The following HOXB1 variants were observed in gnomAD, a reference collection of about 807,000 sequenced individuals.
HOXB1 encodes the protein homeobox B1.
In HOXB1, 13 loss-of-function variants were observed where a neutral mutation model predicts 26.9. The observed-to-expected ratio is 0.48, with a 90% confidence interval of 0.31 to 0.77. The LOEUF is 0.77. Ranked by LOEUF, HOXB1 falls within the 30% of genes least tolerant of loss-of-function variation. The pLI, the probability that HOXB1 is intolerant of heterozygous loss-of-function variation, is 0.04. For missense variants in HOXB1, 366 were observed against 403.6 expected (o/e 0.91, Z 0.80); for synonymous variants, 168 against 170.8 (o/e 0.98, Z 0.13).
rs199853918 is a variant in HOXB1 at position 48,529,497 on chromosome 17, G to A, written c.*50C>T. 1.8e-4 allele frequency: 257 copies of A among 1,418,780 alleles called. No individual in the cohort carries two copies. The East Asian group carries it at 5.1e-3, about 28-fold the overall frequency. The allele number at this position is 1,418,780 out of a possible 1,614,324, so 87.9% of individuals were successfully genotyped here. A position where few individuals can be genotyped will look rare whatever the true frequency, so the allele number is the denominator to read the frequency against. ...GTTGGGGAGAGCCTGGGATAGGGCT[G>A]GACTGGGGCGCTCCAGTGCCTGGAA... On this transcript the variant is annotated 3_prime_UTR_variant, in exon 2 of 2. Transcript: ENST00000239174.
At position 48,529,462 on chromosome 17, in the gene HOXB1, C is replaced by A; in HGVS notation, c.*85G>T. 9.1e-7 allele frequency: 1 copy of A among 1,102,800 alleles called. No individual in the cohort carries two copies. The highest frequency in any genetic ancestry group is 2.0e-5 in the South Asian group (1 of 50,152). The allele number at this position is 1,102,800 out of a possible 1,614,324, so 68.3% of individuals were successfully genotyped here. A position where few individuals can be genotyped will look rare whatever the true frequency, so the allele number is the denominator to read the frequency against. On this transcript the variant is annotated 3_prime_UTR_variant, in exon 2 of 2. Coordinates refer to ENST00000239174, the MANE Select transcript of HOXB1 (RefSeq NM_002144.4). ...AGAGGATCCCCAGGCCAGTGAAGCC[C>A]AGGCCTGGGGTTGGGGAGAGCCTGG...
rs768428755 is a variant in HOXB1, at chr17:48,529,647, G to T, written c.806C>A (p.Pro269His). 2 of 1,609,036 alleles carry T rather than the reference G, an allele frequency of 1.2e-6. No individual in the cohort carries two copies. Among genetic ancestry groups the T allele is most frequent in the Non-Finnish European group, 1.7e-6 (2 of 1,176,078 alleles). Residue 269 changes from proline to histidine, a missense_variant, in exon 2 of 2, where the codon CCC (proline) becomes CAC (histidine). By Grantham distance (77) the Pro-to-His change is moderately conservative. Coordinates refer to ENST00000239174, the MANE Select transcript of HOXB1 (RefSeq NM_002144.4). ...CTTGGGGCAGCCTGGTGGGGCTGGG[G>T]GGACCCGACCTTCCTCTCGCTCGCG... ...KKREREEGRV[P>H]PAPPGCPKEA...
rs776614578 is a variant in HOXB1, at chr17:48,530,664, G to A, written c.241C>T (p.Pro81Ser). ...TLGVPFPSSA[P>S]SGYAPAACSP... Reference sequence around the variant, plus strand: ...CAGGCGGCAGGAGCATACCCCGAGGGCGCGGAGCTGGGGAAGGGCACCCCC... The same window carrying A: ...CAGGCGGCAGGAGCATACCCCGAGGACGCGGAGCTGGGGAAGGGCACCCCC... The change falls in exon 1 of 2, where the codon CCC becomes TCC. Residue 81 changes from proline to serine, a missense_variant. By Grantham distance (74) the Pro-to-Ser change is moderately conservative. Coordinates refer to ENST00000239174, the MANE Select transcript of HOXB1 (RefSeq NM_002144.4). The surrounding 1 kb of genome is among the most constrained non-coding windows in gnomAD (Gnocchi z 6.2). 6.2e-7 allele frequency: 1 copy of A among 1,613,560 alleles called. No individual in the cohort carries two copies. Among genetic ancestry groups the A allele is most frequent in the African/African-American group, 1.3e-5 (1 of 74,932 alleles).
In HOXB1 at chr17:48,530,508, C is replaced by G. The variant is rs545841960; in HGVS notation, c.397G>C (p.Gly133Arg). 9.3e-6 allele frequency: 15 copies of G among 1,614,048 alleles called. No homozygotes were observed. The highest frequency in any genetic ancestry group is 1.3e-5 in the Non-Finnish European group (15 of 1,179,950). Residue 133 changes from glycine to arginine, a missense_variant, in exon 1 of 2, where the codon GGT (glycine) becomes CGT (arginine). Coordinates refer to ENST00000239174, the MANE Select transcript of HOXB1 (RefSeq NM_002144.4). This position sits in a 1 kb window ranked among gnomAD's most constrained non-coding sequence, Gnocchi z 6.2. ...TGCTGCGGAGGATATGGCCCCGGAC[C>G]GGCTCCACCTGCTCCGTAGCCATCG... ...LSDGYGAGGA[G>R]PGPYPPQHPP...
Position 48,530,046 on chromosome 17 carries a change from C to T in HOXB1, c.578-171G>A. ...CCCATGGTGATCACCAAGTCTGGAG[C>T]AGCCTTCCCCATACTTCCATCCCCC... On this transcript the variant is annotated intron_variant, in intron 1 of 1. Coordinates refer to ENST00000239174, the MANE Select transcript of HOXB1 (RefSeq NM_002144.4). This position sits in a 1 kb window ranked among gnomAD's most constrained non-coding sequence, Gnocchi z 6.2. 1.6e-6 allele frequency: 1 copy of T among 636,796 alleles called. No homozygotes were observed. The highest frequency in any genetic ancestry group is 2.7e-6 in the Non-Finnish European group (1 of 370,200). 39.4% of individuals were successfully genotyped at this position (636,796 alleles called of 1,614,324 possible). A position where few individuals can be genotyped will look rare whatever the true frequency, so the allele number is the denominator to read the frequency against.
Position 48,529,492 on chromosome 17 carries a change from G to A in HOXB1, c.*55C>T. ...CTGGGGTTGGGGAGAGCCTGGGATA[G>A]GGCTGGACTGGGGCGCTCCAGTGCC... On this transcript the variant is annotated 3_prime_UTR_variant, in exon 2 of 2. Transcript: ENST00000239174. 1 of 1,381,568 alleles carries A rather than the reference G, an allele frequency of 7.2e-7. No individual in the cohort carries two copies. 85.6% of individuals were successfully genotyped at this position (1,381,568 alleles called of 1,614,324 possible). A position where few individuals can be genotyped will look rare whatever the true frequency, so the allele number is the denominator to read the frequency against.
At position 48,529,806 on chromosome 17, in the gene HOXB1, G is replaced by A; in HGVS notation, c.647C>T (p.Thr216Ile). 4 of 1,602,342 alleles carry A rather than the reference G, an allele frequency of 2.5e-6. No homozygotes were observed. The highest frequency in any genetic ancestry group is 3.4e-6 in the Non-Finnish European group (4 of 1,179,640). ...LRTNFTTRQL[T>I]ELEKEFHFNK... ...GAAATGGAACTCCTTTTCCAGTTCT[G>A]TCAGCTGCCTTGTGGTGAAGTTGGT... The change falls in exon 2 of 2, where the codon ACA (threonine) becomes ATA (isoleucine). Residue 216 changes from threonine (T) to isoleucine (I), a missense_variant. Transcript: ENST00000239174.
rs112332111 is a variant in HOXB1 at position 48,529,125 on chromosome 17, A to G, written c.*422T>C. On this transcript the variant is annotated 3_prime_UTR_variant, in exon 2 of 2. Transcript: ENST00000239174. ...AAATTTAAGGTTCTGTGTCAGGCCT[A>G]GAAGGGGGAGTTAGGATAAGAGTGC... 729 of 157,166 alleles carry G rather than the reference A, an allele frequency of 4.6e-3. 7 individuals carry two copies. Among genetic ancestry groups the G allele is most frequent in the African/African-American group, 0.016 (650 of 41,716 alleles). 9.7% of individuals were successfully genotyped at this position (157,166 alleles called of 1,614,324 possible).
rs2068427080 is a variant in HOXB1, at chr17:48,530,341, G to A, written c.564C>T (p.Asn188=). 9 of 1,613,892 alleles carry A rather than the reference G, an allele frequency of 5.6e-6. No homozygotes were observed. Among genetic ancestry groups the A allele is most frequent in the Non-Finnish European group, 6.8e-6 (8 of 1,179,918 alleles). The part of the protein sequence containing the change: ...RTFDWMKVKR[N]PPKTAKVSEP... ...TCTGAGCCCTACCTGTCTTGGGTGG[G>A]TTTCTCTTAACCTTCATCCAGTCGA... is the stretch of plus-strand genomic sequence containing the variant. Residue 188 remains asparagine (N), a synonymous_variant, in exon 1 of 2, where the codon AAC becomes AAT. Coordinates refer to ENST00000239174, the MANE Select transcript of HOXB1 (RefSeq NM_002144.4). The surrounding 1 kb of genome is among the most constrained non-coding windows in gnomAD (Gnocchi z 6.2).
rs1465384721 is a variant in HOXB1 at position 48,528,897 on chromosome 17, TGTGAGGA to T, written c.*643_*649del. Reference sequence around the variant, plus strand: ...GGTGACATAGTGATGAGGTCGCTGGTGTGAGGAGGCAGGTCTCAGAAAACAACCTCTG... The same window carrying T: ...GGTGACATAGTGATGAGGTCGCTGGTGGCAGGTCTCAGAAAACAACCTCTG... On this transcript the variant is annotated 3_prime_UTR_variant, in exon 2 of 2. Transcript: ENST00000239174. 2.0e-5 allele frequency: 3 copies of T among 152,118 alleles called. No individual in the cohort carries two copies. The highest frequency in any genetic ancestry group is 4.8e-5 in the African/African-American group (2 of 41,372). 9.4% of individuals were successfully genotyped at this position (152,118 alleles called of 1,614,324 possible).
Position 48,529,089 on chromosome 17 carries a change from C to T in HOXB1, c.*458G>A, listed in dbSNP as rs2068415337. On this transcript the variant is annotated 3_prime_UTR_variant, in exon 2 of 2. Coordinates refer to ENST00000239174, the MANE Select transcript of HOXB1 (RefSeq NM_002144.4). The stretch of plus-strand genomic sequence containing the variant: ...ATAATATGGCTGCACCCAAACACCT[C>T]CCACACAAGAAAATTTAAGGTTCTG... 6.5e-6 allele frequency: 1 copy of T among 154,154 alleles called. No individual in the cohort carries two copies. Among genetic ancestry groups the T allele is most frequent in the Non-Finnish European group, 1.4e-5 (1 of 69,574 alleles). The allele number at this position is 154,154 out of a possible 1,614,324, so 9.5% of individuals were successfully genotyped here.
In HOXB1 at chr17:48,530,122, G is replaced by A. The variant is rs369926778; in HGVS notation, c.577+206C>T. 1.9e-5 allele frequency: 12 copies of A among 624,600 alleles called. No individual in the cohort carries two copies. Among genetic ancestry groups the A allele is most frequent in the East Asian group, 1.4e-4 (5 of 36,516 alleles). 38.7% of individuals were successfully genotyped at this position (624,600 alleles called of 1,614,324 possible). A position where few individuals can be genotyped will look rare whatever the true frequency, so the allele number is the denominator to read the frequency against. Reference sequence around the variant, plus strand: ...CTGGGTGCACAGATCAGGAAGTGGGGTGTGTATGGAAACTTACTCCTGGGG... The same window carrying A: ...CTGGGTGCACAGATCAGGAAGTGGGATGTGTATGGAAACTTACTCCTGGGG... On this transcript the variant is annotated intron_variant, in intron 1 of 1. Transcript: ENST00000239174. This position sits in a 1 kb window ranked among gnomAD's most constrained non-coding sequence, Gnocchi z 6.2.
At position 48,530,121 on chromosome 17, in the gene HOXB1, G is replaced by T. The variant is rs2068425168; in HGVS notation, c.577+207C>A. ...GCTGGGTGCACAGATCAGGAAGTGGGGTGTGTATGGAAACTTACTCCTGGG... is the reference window on the plus strand; with the variant it reads ...GCTGGGTGCACAGATCAGGAAGTGGTGTGTGTATGGAAACTTACTCCTGGG... On this transcript the variant is annotated intron_variant, in intron 1 of 1. Coordinates refer to ENST00000239174, the MANE Select transcript of HOXB1 (RefSeq NM_002144.4). This position sits in a 1 kb window ranked among gnomAD's most constrained non-coding sequence, Gnocchi z 6.2. 4 of 623,868 alleles carry T rather than the reference G, an allele frequency of 6.4e-6. No individual in the cohort carries two copies. Among genetic ancestry groups the T allele is most frequent in the Non-Finnish European group, 1.1e-5 (4 of 351,922 alleles). The allele number at this position is 623,868 out of a possible 1,614,324, so 38.6% of individuals were successfully genotyped here.
At position 48,529,584 on chromosome 17, in the gene HOXB1, G is replaced by A; in HGVS notation, c.869C>T (p.Thr290Ile). The change falls in exon 2 of 2, where the codon ACC (threonine) becomes ATC (isoleucine). Residue 290 changes from threonine to isoleucine, a missense_variant. Transcript: ENST00000239174. ...AGAGCTGGGTGAGGCTTCCGGGGAGGTGCATGTCGACTGGTCTGAGGCATC... is the reference window on the plus strand; with the variant it reads ...AGAGCTGGGTGAGGCTTCCGGGGAGATGCATGTCGACTGGTCTGAGGCATC... ...AGDASDQSTC[T>I]SPEASPSSVT... 1.3e-6 allele frequency: 2 copies of A among 1,546,046 alleles called. No individual in the cohort carries two copies. The highest frequency in any genetic ancestry group is 1.7e-6 in the Non-Finnish European group (2 of 1,144,202).
rs755001724 is a variant in HOXB1 at position 48,529,848 on chromosome 17, G to A, written c.605C>T (p.Ser202Leu). 1.3e-6 allele frequency: 2 copies of A among 1,591,566 alleles called. No homozygotes were observed. Among genetic ancestry groups the A allele is most frequent in the South Asian group, 1.1e-5 (1 of 90,574 alleles). The change falls in exon 2 of 2, where the codon TCG (serine) becomes TTG (leucine). Residue 202 changes from serine to leucine, a missense_variant. By Grantham distance (145) the Ser-to-Leu change is moderately radical. Transcript: ENST00000239174. ...GAAGTTGGTGCGGAGGCCACTGGGC[G>A]AGCCCAGGCCTGGCTCTGACACCTT... ...TAKVSEPGLG[S>L]PSGLRTNFTT...
rs200228944 is a variant in HOXB1, at chr17:48,530,400, G to A, written c.505C>T (p.Pro169Ser). The A allele has an allele frequency of 4.3e-6, 7 of 1,614,108 alleles. No individual in the cohort carries two copies. Among genetic ancestry groups the A allele is most frequent in the Non-Finnish European group, 5.9e-6 (7 of 1,179,990 alleles). Residue 169 changes from proline to serine, a missense_variant, in exon 1 of 2, where the codon CCT becomes TCT. Coordinates refer to ENST00000239174, the MANE Select transcript of HOXB1 (RefSeq NM_002144.4). This position sits in a 1 kb window ranked among gnomAD's most constrained non-coding sequence, Gnocchi z 6.2. Reference sequence around the variant, plus strand: ...GCCGTGGGGGTGTTAGGTTCTGAAGGGCAGGGTGTTTCCTTGTCCTCGGAG... The same window carrying A: ...GCCGTGGGGGTGTTAGGTTCTGAAGAGCAGGGTGTTTCCTTGTCCTCGGAG... The part of the protein sequence containing the change: ...LLSEDKETPC[P>S]SEPNTPTART...
At position 48,529,187 on chromosome 17, in the gene HOXB1, G is replaced by A. The variant is rs1050222338; in HGVS notation, c.*360C>T. The A allele has an allele frequency of 7.8e-5, 15 of 192,736 alleles. No individual in the cohort carries two copies. The highest frequency in any genetic ancestry group is 2.0e-3 in the Middle Eastern group (1 of 510). The allele number at this position is 192,736 out of a possible 1,614,324, so 11.9% of individuals were successfully genotyped here. ...CCTCAAAGCTCGAAGGCACTGAACC[G>A]AATAAACCCAAGTTGGAAGGGAAAG... On this transcript the variant is annotated 3_prime_UTR_variant, in exon 2 of 2. Coordinates refer to ENST00000239174, the MANE Select transcript of HOXB1 (RefSeq NM_002144.4).
chr17:48,530,152 C>A lies in HOXB1; in HGVS notation c.577+176G>T. On this transcript the variant is annotated intron_variant, in intron 1 of 1. Coordinates refer to ENST00000239174, the MANE Select transcript of HOXB1 (RefSeq NM_002144.4). The surrounding 1 kb of genome is among the most constrained non-coding windows in gnomAD (Gnocchi z 6.2). ...TATGGAAACTTACTCCTGGGGTGAC[C>A]GGTTACATACTGGGTGGGGAGACCT... The A allele has an allele frequency of 1.5e-6, 1 of 649,202 alleles. No individual in the cohort carries two copies. The highest frequency in any genetic ancestry group is 1.9e-5 in the South Asian group (1 of 52,624). The allele number at this position is 649,202 out of a possible 1,614,324, so 40.2% of individuals were successfully genotyped here. A position where few individuals can be genotyped will look rare whatever the true frequency, so the allele number is the denominator to read the frequency against.
Position 48,530,373 on chromosome 17 carries a change from G to C in HOXB1, c.532C>G (p.Arg178Gly). 6.2e-7 allele frequency: 1 copy of C among 1,614,102 alleles called. No individual in the cohort carries two copies. Among genetic ancestry groups the C allele is most frequent in the South Asian group, 1.1e-5 (1 of 91,068 alleles). ...CPSEPNTPTA[R>G]TFDWMKVKRN... Reference sequence around the variant, plus strand: ...TTAACCTTCATCCAGTCGAAGGTCCGGGCCGTGGGGGTGTTAGGTTCTGAA... The same window carrying C: ...TTAACCTTCATCCAGTCGAAGGTCCCGGCCGTGGGGGTGTTAGGTTCTGAA... Residue 178 changes from arginine (R) to glycine (G), a missense_variant, in exon 1 of 2, where the codon CGG becomes GGG. Physicochemically the swap from Arg to Gly is moderately radical, Grantham distance 125 (BLOSUM62 -2). Coordinates refer to ENST00000239174, the MANE Select transcript of HOXB1 (RefSeq NM_002144.4). The surrounding 1 kb of genome is among the most constrained non-coding windows in gnomAD (Gnocchi z 6.2).
Sources: allele counts gnomAD v4.1 joint callset, GRCh38; gene constraint gnomAD v4.1.1; non-coding constraint Gnocchi (gnomAD v3.1); transcripts MANE v1.5; gene names NCBI Gene and HGNC (gene_info 2026-07-23, HGNC 2026-07-21).